The following LRRTM4 variants were observed in gnomAD, a reference collection of about 807,000 sequenced individuals.
The protein encoded by LRRTM4 is leucine rich repeat transmembrane neuronal 4.
Under a neutral mutation model 47.6 loss-of-function variants are expected in LRRTM4, and 25 were observed. That is an observed-to-expected ratio of 0.53 (90% CI 0.38 to 0.73). The LOEUF is 0.73. LRRTM4 is among the 30% of genes least tolerant of loss of function. The pLI, the probability that LRRTM4 is intolerant of heterozygous loss-of-function variation, is 0.00. For missense variants in LRRTM4, 638 were observed against 713.4 expected (o/e 0.89, Z 1.20); for synonymous variants, 311 against 269.5 (o/e 1.15, Z -1.51).
At chr2:77,306,898 T>TATATATATATATATATATATATATA (rs1491493424) in intron 3 of LRRTM4, among the ~76,000 whole-genome samples, 5 of 81,446 alleles carry the variant, frequency 6.1e-5, no homozygotes, top group African/African-American at 3.4e-4. Context: ...CTTTTCCATA[T>TATATATATATATATATATATATATA]TTTTTTTTTT....
At chr2:76,904,274 T>C (rs989465215) in intron 3 of LRRTM4, among the ~76,000 whole-genome samples, 4 of 152,196 alleles carry the variant, frequency 2.6e-5, no homozygotes, top group African/African-American at 9.7e-5. Context: ...CAGCTGATTG[T>C]TTGAGAACCA....
At chr2:77,361,532 A>G (rs1043625435) in intron 3 of LRRTM4, among the ~76,000 whole-genome samples, 3 of 152,134 alleles carry the variant, frequency 2.0e-5, no homozygotes, top group Admixed American at 2.0e-4. Flanking sequence ...CCTCACATCT[A>G]CGTTCTCTGC....
At chr2:76,875,475 A>G (rs72821235) in intron 3 of LRRTM4, among the ~76,000 whole-genome samples, 4,845 of 152,174 alleles carry the variant, frequency 0.032, 158 homozygotes, top group East Asian at 0.078. Flanking sequence ...TATGTGACAT[A>G]AGGTTGTTGG....
At chr2:77,476,330 G>A (rs890966073) in intron 3 of LRRTM4, among the ~76,000 whole-genome samples, 2 of 151,928 alleles carry the variant, frequency 1.3e-5, no homozygotes, top group African/African-American at 4.8e-5. Context: ...ATTTTCACAT[G>A]CTCATTTATT....
chr2:76,801,302 G>C (rs1675666057), intron 3 of LRRTM4, among the ~76,000 whole-genome samples: 1 of 151,936 alleles, frequency 6.6e-6, no homozygotes, highest in South Asian at 2.1e-4. Context: ...AAGAAAATGT[G>C]GCACATATAC....
intron 3 of LRRTM4, among the ~76,000 whole-genome samples, chr2:77,488,356 G>T (rs1291945220): frequency 1.3e-5 from 2 of 152,184 alleles, no homozygotes; most frequent in African/African-American, 4.8e-5. Flanking sequence ...GTGTGCGGCA[G>T]CTGGACACCA....
chr2:77,270,342 C>T (rs916357347), intron 3 of LRRTM4, among the ~76,000 whole-genome samples: 1 of 152,134 alleles, frequency 6.6e-6, no homozygotes, highest in Non-Finnish European at 1.5e-5. Flanking sequence ...TTTCTTTACA[C>T]TCACTAAAAG....
At chr2:77,121,527 T>C (rs1671521224) in intron 3 of LRRTM4, among the ~76,000 whole-genome samples, 1 of 151,878 alleles carries the variant, frequency 6.6e-6, no homozygotes, top group Admixed American at 6.6e-5. Flanking sequence ...ATTTACAATG[T>C]AGATAGGTAT....
intron 3 of LRRTM4, among the ~76,000 whole-genome samples, chr2:76,796,850 G>A (rs865990717): frequency 1.3e-4 from 20 of 152,142 alleles, no homozygotes; most frequent in South Asian, 6.2e-4. Context: ...GAGCTGATTC[G>A]ATCAACTGGA....
intron 3 of LRRTM4, among the ~76,000 whole-genome samples, chr2:76,762,865 A>G (rs547641270): frequency 1.3e-5 from 2 of 152,316 alleles, no homozygotes; most frequent in South Asian, 4.1e-4. Context: ...TGTTTATGTC[A>G]TGTGAAGCAG....
intron 3 of LRRTM4, among the ~76,000 whole-genome samples, chr2:76,761,150 A>G (rs1673238895): frequency 6.6e-6 from 1 of 152,242 alleles, no homozygotes; most frequent in Admixed American, 6.5e-5. Context: ...AGCAGGGCGT[A>G]CACAGTATGA....
intron 3 of LRRTM4, among the ~76,000 whole-genome samples, chr2:77,036,237 AAAT>A (rs1248983613): frequency 6.6e-6 from 1 of 151,822 alleles, no homozygotes; most frequent in African/African-American, 2.4e-5. Context: ...AGAAGATAAA[AAAT>A]AAAATAATTG....
chr2:77,372,143 T>A (rs1401348443), intron 3 of LRRTM4, among the ~76,000 whole-genome samples: 1 of 151,724 alleles, frequency 6.6e-6, no homozygotes, highest in Admixed American at 6.6e-5. Context: ...CTTGTCTAAC[T>A]TTGTGCAGGA....
chr2:76,778,699 T>A (rs1217901056), intron 3 of LRRTM4, among the ~76,000 whole-genome samples: 1 of 151,696 alleles, frequency 6.6e-6, no homozygotes, highest in Non-Finnish European at 1.5e-5. Flanking sequence ...TGTTGATCCT[T>A]TCAAAAAACC....
chr2:77,289,049 GT>G (rs1211093462), intron 3 of LRRTM4, among the ~76,000 whole-genome samples: 2 of 151,972 alleles, frequency 1.3e-5, no homozygotes, highest in African/African-American at 4.8e-5. Context: ...ATAATACGGA[GT>G]TTATGTTTTT....
intron 3 of LRRTM4, among the ~76,000 whole-genome samples, chr2:77,405,526 A>G (rs903316916): frequency 1.3e-5 from 2 of 152,062 alleles, no homozygotes; most frequent in Admixed American, 6.6e-5. Context: ...CCTCTTCCCC[A>G]ATGTCACTTC....
chr2:77,143,510 T>C (rs1054038748), intron 3 of LRRTM4, among the ~76,000 whole-genome samples: 1 of 152,232 alleles, frequency 6.6e-6, no homozygotes, highest in African/African-American at 2.4e-5. Context: ...TTAGGGAATC[T>C]GTTTCAATAT....
At position 77,393,611 on chromosome 2, in the gene LRRTM4, G is replaced by T. The variant is rs374427316; in HGVS notation, c.1551+124707C>A. On this transcript the variant is annotated intron_variant, in intron 3 of 3. Coordinates refer to ENST00000409884, the MANE Select transcript of LRRTM4 (RefSeq NM_001134745.3). ...CTGGGGAAATATTGGCAAGATTTTAGCAGACAAGTCACTGTGATCAGGTTT... is the reference window on the plus strand; with the variant it reads ...CTGGGGAAATATTGGCAAGATTTTATCAGACAAGTCACTGTGATCAGGTTT... Among the ~76,000 whole-genome samples the T allele has an allele frequency of 4.1e-4, 63 of 152,130 alleles. 1 individual carries two copies. The South Asian group carries it at 0.011, about 27-fold the overall frequency.
intron 3 of LRRTM4, among the ~76,000 whole-genome samples, chr2:76,786,447 T>A (rs1056934213): frequency 1.3e-5 from 2 of 152,118 alleles, no homozygotes; most frequent in Non-Finnish European, 2.9e-5. Flanking sequence ...ATAGCAATTC[T>A]TTCATTGTCA....
Sources: gnomAD v4.1 joint callset for allele counts (sites outside exome capture counted in the v4.1 genomes callset) on GRCh38, gnomAD v4.1.1 for gene constraint, MANE v1.5 for transcripts, NCBI Gene and HGNC (gene_info 2026-07-23, HGNC 2026-07-21) for gene names.